The following CEP43 variants were observed in gnomAD, a reference collection of about 807,000 sequenced individuals.
CEP43 encodes the protein FGFR1 oncogene partner.
In CEP43, 36 loss-of-function variants were observed where a neutral mutation model predicts 52.6. The ratio of observed to expected loss-of-function variants is 0.68; its 90% CI spans 0.52 to 0.90. The LOEUF (loss-of-function observed/expected upper bound fraction) is 0.90, where lower values mean the gene tolerates loss of function less well. Among genes scored for constraint, CEP43 ranks in the 40% least tolerant of loss-of-function variants. CEP43 has a pLI of 0.00. For synonymous variants in CEP43, 192 were observed against 172.4 expected (o/e 1.11, Z -0.89); for missense variants, 506 against 472.8 (o/e 1.07, Z -0.65).
In CEP43 at chr6:167,044,451, A is replaced by T; in HGVS notation, c.*4473A>T. 2.0e-6 allele frequency: 2 copies of T among 985,200 alleles called. No homozygotes were observed. The highest frequency in any genetic ancestry group is 4.7e-5 in the South Asian group (1 of 21,268). The allele number at this position is 985,200 out of a possible 1,614,324, so 61.0% of individuals were successfully genotyped here. On this transcript the variant is annotated 3_prime_UTR_variant, in exon 13 of 13. Coordinates refer to ENST00000366847, the MANE Select transcript of CEP43 (RefSeq NM_007045.4). ...ATGCGCCAGGAGACTTGGCCAGAGG[A>T]CCTCCAGGCTGACAAAGTTTCCCCG... is the stretch of plus-strand genomic sequence containing the variant.
Position 167,041,740 on chromosome 6 carries a change from G to A in CEP43, c.*1762G>A. Reference sequence around the variant, plus strand: ...ATTTGTCACTTTTCTGTTACGCAGAGAATCAGACCTTTTGATAATATTTGG... The same window carrying A: ...ATTTGTCACTTTTCTGTTACGCAGAAAATCAGACCTTTTGATAATATTTGG... On this transcript the variant is annotated 3_prime_UTR_variant, in exon 13 of 13. Transcript: ENST00000366847. 1 of 1,012,794 alleles carries A rather than the reference G, an allele frequency of 9.9e-7. No homozygotes were observed. Among genetic ancestry groups the A allele is most frequent in the Non-Finnish European group, 1.2e-6 (1 of 849,050 alleles). The allele number at this position is 1,012,794 out of a possible 1,614,324, so 62.7% of individuals were successfully genotyped here.
At position 167,045,405 on chromosome 6, in the gene CEP43, G is replaced by A. The variant is rs2114858995; in HGVS notation, c.*5427G>A. 1 of 147,388 alleles carries A rather than the reference G, an allele frequency of 6.8e-6. No homozygotes were observed. Among genetic ancestry groups the A allele is most frequent in the South Asian group, 2.3e-4 (1 of 4,322 alleles). The allele number at this position is 147,388 out of a possible 1,614,324, so 9.1% of individuals were successfully genotyped here. ...CCCAAAGTGCTGGGATTACAGGCATGAGCCACTGTACCCAGCCCTGTATTT... is the reference window on the plus strand; with the variant it reads ...CCCAAAGTGCTGGGATTACAGGCATAAGCCACTGTACCCAGCCCTGTATTT... On this transcript the variant is annotated 3_prime_UTR_variant, in exon 13 of 13. Coordinates refer to ENST00000366847, the MANE Select transcript of CEP43 (RefSeq NM_007045.4).
Position 167,024,821 on chromosome 6 carries a change from G to T in CEP43, c.846G>T (p.Ser282=). 1 of 1,613,294 alleles carries T rather than the reference G, an allele frequency of 6.2e-7. No individual in the cohort carries two copies. The highest frequency in any genetic ancestry group is 8.5e-7 in the Non-Finnish European group (1 of 1,179,566). ...EPRKQAGSLA[S]LSDAPPLKSG... ...GGAAGCAAGCAGGAAGTCTGGCCTC[G>T]CTCTCGGATGCACCCCCCTTAAAAA... Residue 282 remains serine (S), a synonymous_variant, in exon 9 of 13, where the codon TCG becomes TCT. Coordinates refer to ENST00000366847, the MANE Select transcript of CEP43 (RefSeq NM_007045.4).
intron 10 of CEP43, chr6:167,028,087 A>C (rs1195523346): frequency 2.0e-6 from 2 of 985,368 alleles, no homozygotes; most frequent in African/African-American, 1.7e-5. Flanking sequence ...CTCAGTGGCT[A>C]ACTGCCACCA....
rs1231138051 is a variant in CEP43, at chr6:166,999,453, C to T, written c.41C>T (p.Thr14Met). 6.1e-6 allele frequency: 9 copies of T among 1,483,262 alleles called. No individual in the cohort carries two copies. The East Asian group carries it at 2.4e-4, about 39-fold the overall frequency. The allele number at this position is 1,483,262 out of a possible 1,614,324, so 91.9% of individuals were successfully genotyped here. Residue 14 changes from threonine to methionine, a missense_variant, in exon 1 of 13, where the codon ACG becomes ATG. Thr to Met is a moderately conservative substitution (Grantham distance 81). Transcript: ENST00000366847. ...GCCGCAGTGGTGGCCGAGGAGGACA[C>T]GGAGCTGCGGGACCTGCTGGTGCAG... is the stretch of plus-strand genomic sequence containing the variant. ...TAAAVVAEED[T>M]ELRDLLVQTL... is the part of the protein sequence containing the mutation.
At chr6:167,006,721 C>T (rs1779862848) in intron 5 of CEP43, among the ~76,000 whole-genome samples, 2 of 152,168 alleles carry the variant, frequency 1.3e-5, no homozygotes. Flanking sequence ...AACCAGTCCC[C>T]TGTGGATACT....
chr6:167,036,251 A>G, intron 12 of CEP43: 5 of 985,418 alleles, frequency 5.1e-6, no homozygotes, highest in Non-Finnish European at 6.0e-6. Flanking sequence ...GCTGAGGAGG[A>G]ACATGGTAAG....
intron 12 of CEP43, chr6:167,036,203 G>A (rs544270001): frequency 3.9e-5 from 38 of 985,370 alleles, no homozygotes; most frequent in East Asian, 1.1e-4. Context: ...ATATTTGACC[G>A]GGATTTTGAA....
At chr6:167,012,219 C>G (rs545693267) in intron 6 of CEP43, among the ~76,000 whole-genome samples, 11 of 152,220 alleles carry the variant, frequency 7.2e-5, no homozygotes, top group African/African-American at 2.4e-4. Context: ...TTTGCTTGTT[C>G]TTTGATGTTG....
intron 12 of CEP43, among the ~76,000 whole-genome samples, chr6:167,038,716 C>G (rs767202990): frequency 6.6e-5 from 10 of 152,182 alleles, no homozygotes; most frequent in Non-Finnish European, 1.0e-4. Flanking sequence ...TTAGGCAAAT[C>G]GCTTCTCAAC....
chr6:167,049,797 C>T lies in CEP43; in HGVS notation c.*9819C>T, dbSNP rs1780845743. The T allele has an allele frequency of 6.6e-6, 1 of 152,128 alleles. No homozygotes were observed. The highest frequency in any genetic ancestry group is 2.4e-5 in the African/African-American group (1 of 41,414). 9.4% of individuals were successfully genotyped at this position (152,128 alleles called of 1,614,324 possible). A position where few individuals can be genotyped will look rare whatever the true frequency, so the allele number is the denominator to read the frequency against. On this transcript the variant is annotated 3_prime_UTR_variant, in exon 13 of 13. Coordinates refer to ENST00000366847, the MANE Select transcript of CEP43 (RefSeq NM_007045.4). ...TTTGAAGAATTGCTAAATTGTTTTC[C>T]AAAGCAGCTGCACCATTTTATATCC...
At position 167,044,486 on chromosome 6, in the gene CEP43, G is replaced by C. The variant is rs1007237630; in HGVS notation, c.*4508G>C. On this transcript the variant is annotated 3_prime_UTR_variant, in exon 13 of 13. Transcript: ENST00000366847. ...TGACAAAGTTTCCCCGAGGAAGTCA[G>C]ATTGGAAAAGTGTCCTCAGGTTCAA... is the stretch of plus-strand genomic sequence containing the variant. 4.4e-5 allele frequency: 43 copies of C among 985,318 alleles called. No individual in the cohort carries two copies. The highest frequency in any genetic ancestry group is 1.2e-4 in the Admixed American group (2 of 16,270). 61.0% of individuals were successfully genotyped at this position (985,318 alleles called of 1,614,324 possible).
At chr6:167,034,625 T>A (rs9295384) in intron 12 of CEP43, among the ~76,000 whole-genome samples, 63,801 of 151,920 alleles carry the variant, frequency 0.42, 13,629 homozygotes, top group Non-Finnish European at 0.47. Flanking sequence ...TTCCAGAACA[T>A]GGTGGGATTC....
intron 7 of CEP43, among the ~76,000 whole-genome samples, chr6:167,022,100 T>C (rs1780246052): frequency 6.6e-6 from 1 of 152,224 alleles, no homozygotes; most frequent in Non-Finnish European, 1.5e-5. Flanking sequence ...GGGATAGGTA[T>C]ACTAAAGGTA....
chr6:167,042,214 A>G lies in CEP43; in HGVS notation c.*2236A>G. Reference sequence around the variant, plus strand: ...TGTACTTTTTGATTAGGTATTATCAACTTATGAAACTTGAAGATGTGAAGT... The same window carrying G: ...TGTACTTTTTGATTAGGTATTATCAGCTTATGAAACTTGAAGATGTGAAGT... On this transcript the variant is annotated 3_prime_UTR_variant, in exon 13 of 13. Coordinates refer to ENST00000366847, the MANE Select transcript of CEP43 (RefSeq NM_007045.4). 1 of 1,006,524 alleles carries G rather than the reference A, an allele frequency of 9.9e-7. No individual in the cohort carries two copies. Among genetic ancestry groups the G allele is most frequent in the African/African-American group, 1.7e-5 (1 of 58,000 alleles). 62.3% of individuals were successfully genotyped at this position (1,006,524 alleles called of 1,614,324 possible).
chr6:167,006,321 C>T (rs1041649167), intron 5 of CEP43, among the ~76,000 whole-genome samples: 9 of 152,118 alleles, frequency 5.9e-5, no homozygotes, highest in African/African-American at 2.2e-4. Flanking sequence ...TGGAGACCAT[C>T]CTGGCCAACA....
At chr6:167,034,865 C>A (rs996112150) in intron 12 of CEP43, among the ~76,000 whole-genome samples, 8 of 148,526 alleles carry the variant, frequency 5.4e-5, no homozygotes, top group African/African-American at 2.0e-4. Context: ...ATATAAAGCA[C>A]TTCTCTAATT....
At chr6:167,004,581 G>A (rs1050446324) in intron 5 of CEP43, among the ~76,000 whole-genome samples, 180 bp downstream of exon 5, 57 of 121,966 alleles carry the variant, frequency 4.7e-4, no homozygotes, top group African/African-American at 1.7e-3. Flanking sequence ...GGAATGTGCT[G>A]ACTGTGATTC....
At chr6:167,015,101 C>T (rs570267456) in intron 7 of CEP43, among the ~76,000 whole-genome samples, 7 of 152,262 alleles carry the variant, frequency 4.6e-5, no homozygotes, top group South Asian at 4.1e-4. Flanking sequence ...TTAGCTTTCG[C>T]GGTACTTTGG....
Sources: allele counts gnomAD v4.1 joint callset (sites outside exome capture counted in the v4.1 genomes callset), GRCh38; gene constraint gnomAD v4.1.1; transcripts MANE v1.5; gene names NCBI Gene and HGNC (gene_info 2026-07-23, HGNC 2026-07-21).